The following CDHR3 variants were observed in gnomAD, a reference collection of about 807,000 sequenced individuals.
CDHR3 encodes the protein cadherin-related family member 3.
CDHR3 carries 79 observed loss-of-function variants against 86.6 expected under a neutral mutation model. The ratio of observed to expected loss-of-function variants is 0.91; its 90% CI spans 0.76 to 1.10. The LOEUF (loss-of-function observed/expected upper bound fraction) is 1.10, where lower values mean the gene tolerates loss of function less well. Ranked by LOEUF, CDHR3 falls within the 50% of genes least tolerant of loss-of-function variation. CDHR3 has a pLI of 0.00. For missense variants in CDHR3, 1,081 were observed against 1,077.6 expected, an observed-to-expected ratio of 1.00 and a Z score of -0.04; for synonymous variants, 421 against 402.4, an observed-to-expected ratio of 1.05 and a Z score of -0.55.
chr7:106,029,543 CCTCTGTCTCTCT>C (rs377551327), intron 17 of CDHR3, among the ~76,000 whole-genome samples: 983 of 96,612 alleles, frequency 0.01, 8 homozygotes, highest in Middle Eastern at 0.018. Context: ...CTCTCCTCCA[CCTCTGTCTCTCT>C]CTCTCTCTCT....
Position 106,032,504 on chromosome 7 carries a change from G to A in CDHR3, c.2465G>A (p.Arg822His), listed in dbSNP as rs532858563. The A allele has an allele frequency of 1.5e-5, 24 of 1,613,886 alleles. No homozygotes were observed. The highest frequency in any genetic ancestry group is 1.7e-5 in the Non-Finnish European group (20 of 1,179,894). The change falls in exon 19 of 19, where the codon CGC becomes CAC. Residue 822 changes from arginine to histidine, a missense_variant. By Grantham distance (29) the Arg-to-His change is conservative. Transcript: ENST00000317716. ...TCCAGCCACCAGGGAGCTGCCCCAC[G>A]CAGAGTCACTGCTGGGGAAGGGATG... ...KESSHQGAAP[R>H]RVTAGEGMGS...
In CDHR3 at chr7:105,976,982, C is replaced by CTTT. The variant is rs11334460; in HGVS notation, c.249+1952_249+1954dup. 5.7e-4 allele frequency among the ~76,000 whole-genome samples: 73 copies of CTTT among 128,444 alleles called. 1 individual carries two copies. The highest frequency in any genetic ancestry group is 3.1e-3 in the East Asian group (13 of 4,260). 84.3% of individuals were successfully genotyped at this position (128,444 alleles called of 152,430 possible). A position where few individuals can be genotyped will look rare whatever the true frequency, so the allele number is the denominator to read the frequency against. On this transcript the variant is annotated intron_variant, in intron 2 of 18. Coordinates refer to ENST00000317716, the MANE Select transcript of CDHR3 (RefSeq NM_152750.5). ...CAAGGCACATTCACATACCTGATCT[C>CTTT]TTTTTTTTTTTTTTTTTTGAGATGG...
intron 9 of CDHR3, among the ~76,000 whole-genome samples, chr7:106,014,690 T>A (rs62481291): frequency 2.5e-3 from 382 of 152,302 alleles, no homozygotes; most frequent in Non-Finnish European, 4.3e-3. Context: ...CAAAATATAT[T>A]ATAGTACTGT....
chr7:105,981,926 C>T (rs1298834853), intron 3 of CDHR3, among the ~76,000 whole-genome samples: 1 of 152,134 alleles, frequency 6.6e-6, no homozygotes, highest in Admixed American at 6.5e-5. Flanking sequence ...GGAAATCTTG[C>T]CAGCTTCTAA....
chr7:105,977,744 C>T (rs1829054855), intron 2 of CDHR3, among the ~76,000 whole-genome samples: 1 of 152,184 alleles, frequency 6.6e-6, no homozygotes, highest in South Asian at 2.1e-4. Flanking sequence ...ATAGCCTTGA[C>T]ATTCTGGAGG....
In CDHR3 at chr7:106,032,592, T is replaced by C. The variant is rs368148291; in HGVS notation, c.2553T>C (p.Asp851=). The part of the protein sequence containing the change: ...DELSGKAWAE[D]AGLGSRNEGG... ...TGAGTGGCAAAGCGTGGGCTGAGGATGCTGGTCTGGGTTCCAGAAATGAGG... is the reference window on the plus strand; with the variant it reads ...TGAGTGGCAAAGCGTGGGCTGAGGACGCTGGTCTGGGTTCCAGAAATGAGG... Residue 851 remains aspartate (D), a synonymous_variant, in exon 19 of 19, where the codon GAT becomes GAC. Coordinates refer to ENST00000317716, the MANE Select transcript of CDHR3 (RefSeq NM_152750.5). 6.2e-7 allele frequency: 1 copy of C among 1,613,956 alleles called. No individual in the cohort carries two copies.
intron 4 of CDHR3, among the ~76,000 whole-genome samples, chr7:105,989,936 G>T (rs3847075): frequency 9.2e-5 from 14 of 152,162 alleles, no homozygotes; most frequent in African/African-American, 1.4e-4. Flanking sequence ...CAGGAGTCAG[G>T]AGTCACCACC....
intron 9 of CDHR3, among the ~76,000 whole-genome samples, chr7:106,013,236 G>T (rs1835085357): frequency 6.6e-6 from 1 of 152,214 alleles, no homozygotes; most frequent in Non-Finnish European, 1.5e-5. Context: ...ACATAGTTGT[G>T]CCTGGGCTGC....
Position 106,004,515 on chromosome 7 carries a change from G to A in CDHR3, c.880G>A (p.Val294Met). The stretch of plus-strand genomic sequence containing the variant: ...TTTCTCAGTGACTGGTACAATCCAA[G>A]TGGCCCAAAGGATAGACCGAGATGC... ...MINQLTGTIQ[V>M]AQRIDRDAGE... The change falls in exon 8 of 19, where the codon GTG becomes ATG. Residue 294 changes from valine to methionine, a missense_variant. Physicochemically the swap from Val to Met is conservative, Grantham distance 21 (BLOSUM62 1). Coordinates refer to ENST00000317716, the MANE Select transcript of CDHR3 (RefSeq NM_152750.5). 6.2e-7 allele frequency: 1 copy of A among 1,613,942 alleles called. No homozygotes were observed. The highest frequency in any genetic ancestry group is 8.5e-7 in the Non-Finnish European group (1 of 1,179,848).
At chr7:105,990,546 G>C (rs771386408) in intron 4 of CDHR3, among the ~76,000 whole-genome samples, 1 of 152,178 alleles carries the variant, frequency 6.6e-6, no homozygotes, top group African/African-American at 2.4e-5. Flanking sequence ...ACAGTCCTGA[G>C]TGCTCTGGCC....
At chr7:105,992,225 G>C (rs1049080195) in intron 4 of CDHR3, among the ~76,000 whole-genome samples, 1 of 152,158 alleles carries the variant, frequency 6.6e-6, no homozygotes, top group Non-Finnish European at 1.5e-5. Flanking sequence ...CCAGCTCCTA[G>C]AGCATTTCAA....
chr7:105,983,893 C>T (rs1025100497), intron 3 of CDHR3, among the ~76,000 whole-genome samples: 14 of 152,096 alleles, frequency 9.2e-5, no homozygotes, highest in African/African-American at 3.1e-4. Context: ...AACTCTCTGC[C>T]CTATCACCTC....
chr7:106,003,380 C>T (rs761849858), intron 7 of CDHR3, among the ~76,000 whole-genome samples: 5 of 152,166 alleles, frequency 3.3e-5, no homozygotes, highest in Non-Finnish European at 7.3e-5. Context: ...CTTCTCTGCT[C>T]TTCTATAACC....
At chr7:106,022,584 A>ATGGGC (rs1242118788) in intron 14 of CDHR3, 136 bp downstream of exon 14, 21 of 1,310,160 alleles carry the variant, frequency 1.6e-5, no homozygotes, top group Non-Finnish European at 2.2e-5. Flanking sequence ...AATGGCAACC[A>ATGGGC]TGGGCTGGAC....
chr7:106,005,590 T>G (rs1208154068), intron 8 of CDHR3, among the ~76,000 whole-genome samples: 1 of 152,208 alleles, frequency 6.6e-6, no homozygotes, highest in Non-Finnish European at 1.5e-5. Context: ...CAGCTCCAGA[T>G]GTCCCCATGG....
Position 105,971,909 on chromosome 7 carries a change from A to G in CDHR3, c.47-2935A>G, listed in dbSNP as rs112896405. ...GATCTAACATCCAGGTTAAAGGTCA[A>G]TTTCTTACCAGCCCCCACAGCCATG... On this transcript the variant is annotated intron_variant, in intron 1 of 18. Coordinates refer to ENST00000317716, the MANE Select transcript of CDHR3 (RefSeq NM_152750.5). 4.4e-3 allele frequency among the ~76,000 whole-genome samples: 676 copies of G among 152,292 alleles called. 5 individuals are homozygous for G. The highest frequency in any genetic ancestry group is 0.015 in the African/African-American group (609 of 41,554).
intron 18 of CDHR3, 145 bp from the exon 19 acceptor site, chr7:106,032,248 C>G: frequency 1.3e-6 from 1 of 790,998 alleles, no homozygotes; most frequent in Admixed American, 2.8e-5. Flanking sequence ...GCTATTCACA[C>G]ACCTACTGTC....
At chr7:106,000,107 A>G (rs533901870) in intron 6 of CDHR3, among the ~76,000 whole-genome samples, 2 of 152,306 alleles carry the variant, frequency 1.3e-5, no homozygotes, top group South Asian at 4.1e-4. Flanking sequence ...CACTTTGTCT[A>G]TTCCTAGATC....
chr7:105,972,573 A>G (rs1828152880), intron 1 of CDHR3, among the ~76,000 whole-genome samples: 1 of 152,152 alleles, frequency 6.6e-6, no homozygotes, highest in Non-Finnish European at 1.5e-5. Context: ...AGAAAAGAGA[A>G]TGGGAGGGAA....
Sources: allele counts gnomAD v4.1 joint callset (sites outside exome capture counted in the v4.1 genomes callset), GRCh38; gene constraint gnomAD v4.1.1; transcripts MANE v1.5; gene names NCBI Gene and HGNC (gene_info 2026-07-23, HGNC 2026-07-21).